Variants in PLEKHM3 observed in about 807,000 individuals in gnomAD.
PLEKHM3 encodes pleckstrin homology domain containing M3.
In PLEKHM3, 45 loss-of-function variants were observed where a neutral mutation model predicts 81.8. That is an observed-to-expected ratio of 0.55 (90% CI 0.43 to 0.71). The LOEUF (loss-of-function observed/expected upper bound fraction) is 0.71. Ranked by LOEUF, PLEKHM3 falls within the 30% of genes least tolerant of loss-of-function variation. The pLI, the probability that PLEKHM3 is intolerant of heterozygous loss-of-function variation, is 0.00. For synonymous variants in PLEKHM3, 352 were observed against 356.4 expected, an observed-to-expected ratio of 0.99 and a Z score of 0.14; for missense variants, 788 against 924.3, an observed-to-expected ratio of 0.85 and a Z score of 1.91.
At chr2:207,899,046 T>C (rs1428327651) in intron 6 of PLEKHM3, among the ~76,000 whole-genome samples, 1 of 152,062 alleles carries the variant, frequency 6.6e-6, no homozygotes, top group Non-Finnish European at 1.5e-5. Context: ...CTCACAAAGA[T>C]GGGTGTAATA....
intron 5 of PLEKHM3, among the ~76,000 whole-genome samples, chr2:207,912,394 T>C (rs190997150): frequency 6.8e-4 from 104 of 152,346 alleles, no homozygotes; most frequent in African/African-American, 2.3e-3. Context: ...GTCTTCTCCA[T>C]CACACTTCAG....
intron 7 of PLEKHM3, among the ~76,000 whole-genome samples, chr2:207,837,064 C>T (rs190723977): frequency 6.6e-5 from 10 of 152,316 alleles, no homozygotes; most frequent in Admixed American, 1.3e-4. Flanking sequence ...ACCAAGATTA[C>T]TTAAATCTCT....
intron 7 of PLEKHM3, chr2:207,851,180 G>C (rs1183830664): frequency 7.0e-6 from 1 of 142,318 alleles, no homozygotes; most frequent in African/African-American, 2.6e-5. Context: ...AAAAAGGTTA[G>C]AGCCCTTCCT....
In PLEKHM3 at chr2:207,977,320, G is replaced by A. The variant is rs1346826095; in HGVS notation, c.877C>T (p.Pro293Ser). The A allele has an allele frequency of 1.9e-6, 3 of 1,614,174 alleles. No individual in the cohort carries two copies. The highest frequency in any genetic ancestry group is 2.5e-6 in the Non-Finnish European group (3 of 1,180,046). Residue 293 changes from proline to serine, a missense_variant, in exon 3 of 8, where the codon CCA becomes TCA. Coordinates refer to ENST00000427836, the MANE Select transcript of PLEKHM3 (RefSeq NM_001080475.3). ...NTQLQLKAES[P>S]WEALDWGQKL... ...TGTCCCCAGTCCAAAGCCTCCCATG[G>A]TGACTCTGCCTTTAGCTGTAGCTGA...
At chr2:208,011,077 A>C (rs7574803) in intron 1 of PLEKHM3, among the ~76,000 whole-genome samples, 8,048 of 151,596 alleles carry the variant, frequency 0.053, 701 homozygotes, top group African/African-American at 0.18. Flanking sequence ...AAAAAAAAAA[A>C]AAAAAACAAA....
intron 6 of PLEKHM3, among the ~76,000 whole-genome samples, chr2:207,871,791 A>T (rs1480280776): frequency 6.6e-6 from 1 of 152,212 alleles, no homozygotes; most frequent in Non-Finnish European, 1.5e-5. Context: ...ATGATCTGAT[A>T]TAGGTACATG....
chr2:207,856,050 T>C (rs2105803542), intron 7 of PLEKHM3, among the ~76,000 whole-genome samples: 1 of 152,338 alleles, frequency 6.6e-6, no homozygotes, highest in African/African-American at 2.4e-5. Flanking sequence ...ACTATTTCTG[T>C]GATTTCTCTG....
intron 3 of PLEKHM3, among the ~76,000 whole-genome samples, chr2:207,973,665 G>T (rs570568000): frequency 6.6e-6 from 1 of 152,142 alleles, no homozygotes; most frequent in Non-Finnish European, 1.5e-5. Flanking sequence ...CTTGAACCCA[G>T]GAGGCGGAGG....
At chr2:207,969,126 C>G (rs1190890135) in intron 3 of PLEKHM3, among the ~76,000 whole-genome samples, 1 of 152,138 alleles carries the variant, frequency 6.6e-6, no homozygotes, top group African/African-American at 2.4e-5. Flanking sequence ...ACTAAAGGAC[C>G]CCCCAATTTT....
At chr2:207,837,726 A>C (rs1341857939) in intron 7 of PLEKHM3, among the ~76,000 whole-genome samples, 1 of 122,154 alleles carries the variant, frequency 8.2e-6, no homozygotes, top group Non-Finnish European at 1.6e-5. Flanking sequence ...TGCTGGGATT[A>C]CAGCTGTGAG....
chr2:207,953,183 T>G (rs779513508), intron 3 of PLEKHM3, among the ~76,000 whole-genome samples: 1 of 152,254 alleles, frequency 6.6e-6, no homozygotes, highest in African/African-American at 2.4e-5. Flanking sequence ...ATGCAGCTGA[T>G]AGTCTTTGGG....
chr2:207,894,238 C>T (rs767780531), intron 6 of PLEKHM3, among the ~76,000 whole-genome samples: 3 of 152,186 alleles, frequency 2.0e-5, no homozygotes, highest in Non-Finnish European at 4.4e-5. Context: ...TTTGTTCTAG[C>T]ATCTTGCTGT....
At chr2:207,896,495 T>C (rs1021852532) in intron 6 of PLEKHM3, among the ~76,000 whole-genome samples, 5 of 152,182 alleles carry the variant, frequency 3.3e-5, no homozygotes, top group African/African-American at 7.2e-5. Context: ...ATGATAGGGA[T>C]TGGAATATTT....
intron 1 of PLEKHM3, among the ~76,000 whole-genome samples, chr2:208,021,456 C>T (rs938547736): frequency 6.6e-6 from 1 of 152,104 alleles, no homozygotes; most frequent in African/African-American, 2.4e-5. Flanking sequence ...TCAATCTTTT[C>T]AATTATAATT....
At position 207,865,801 on chromosome 2, in the gene PLEKHM3, A is replaced by AAAAAATATATATATATATAT; in HGVS notation, c.1951-4540_1951-4539insATATATATATATATATTTTT. On this transcript the variant is annotated intron_variant, in intron 6 of 7. Coordinates refer to ENST00000427836, the MANE Select transcript of PLEKHM3 (RefSeq NM_001080475.3). The stretch of plus-strand genomic sequence containing the variant: ...CGACTCAAAAAAAAAAAAAAAAAAA[A>AAAAAATATATATATATATAT]AGATATATATATATATATATATATA... 1.6e-4 allele frequency among the ~76,000 whole-genome samples: 4 copies of AAAAAATATATATATATATAT among 25,288 alleles called. 1 individual carries two copies. Among genetic ancestry groups the AAAAAATATATATATATATAT allele is most frequent in the African/African-American group, 8.3e-4 (4 of 4,794 alleles). The allele number at this position is 25,288 out of a possible 152,430, so 16.6% of individuals were successfully genotyped here.
chr2:207,837,150 T>A (rs2105885127), intron 7 of PLEKHM3, among the ~76,000 whole-genome samples: 1 of 152,306 alleles, frequency 6.6e-6, no homozygotes, highest in East Asian at 1.9e-4. Context: ...ATTGTGTAAG[T>A]AAACATAAGC....
intron 2 of PLEKHM3, among the ~76,000 whole-genome samples, chr2:207,989,746 A>C (rs1219832507): frequency 1.3e-5 from 2 of 152,198 alleles, no homozygotes; most frequent in Non-Finnish European, 2.9e-5. Flanking sequence ...GAACCAATTG[A>C]GATAGACAGA....
intron 2 of PLEKHM3, among the ~76,000 whole-genome samples, chr2:207,984,135 C>T (rs993547327): frequency 2.0e-5 from 3 of 152,258 alleles, no homozygotes; most frequent in East Asian, 1.9e-4. Flanking sequence ...TTTTAAAAAT[C>T]GCAAATTTCT....
rs770536431 is a variant in PLEKHM3, at chr2:207,929,856, A to G, written c.1886+1070T>C. ...TCTAATTGGATCTCAAAACTCCATC[A>G]CTTCAATACTTTCCAAAAGTTCTTA... On this transcript the variant is annotated intron_variant, in intron 5 of 7. Transcript: ENST00000427836. The G allele has an allele frequency of 1.1e-4, 76 of 668,240 alleles. 1 individual carries two copies. Among genetic ancestry groups the G allele is most frequent in the Middle Eastern group, 4.8e-4 (2 of 4,176 alleles). The allele number at this position is 668,240 out of a possible 1,614,324, so 41.4% of individuals were successfully genotyped here. A position where few individuals can be genotyped will look rare whatever the true frequency, so the allele number is the denominator to read the frequency against.
Sources: gnomAD v4.1 joint callset for allele counts (sites outside exome capture counted in the v4.1 genomes callset) on GRCh38, gnomAD v4.1.1 for gene constraint, MANE v1.5 for transcripts, NCBI Gene and HGNC (gene_info 2026-07-23, HGNC 2026-07-21) for gene names.